Variants in CRACD observed in about 807,000 individuals in gnomAD.
The protein encoded by CRACD is capping protein inhibiting regulator of actin dynamics, also known as capping protein-inhibiting regulator of actin dynamics.
In CRACD, 56 loss-of-function variants were observed where a neutral mutation model predicts 106.8. The ratio of observed to expected loss-of-function variants is 0.52; its 90% CI spans 0.42 to 0.66. The LOEUF (loss-of-function observed/expected upper bound fraction) is 0.66. CRACD is among the 30% of genes least tolerant of loss of function. The pLI is 0.00. For missense variants in CRACD, 1,730 were observed against 1,623.2 expected (o/e 1.07, Z -1.13); for synonymous variants, 754 against 670.8 (o/e 1.12, Z -1.92).
chr4:56,315,110 C>T lies in CRACD; in HGVS notation c.1608C>T (p.Pro536=), dbSNP rs144923826. 2.4e-4 allele frequency: 384 copies of T among 1,611,116 alleles called. 2 individuals carry two copies. In the African/African-American group the frequency reaches 4.1e-3, roughly 17 times the overall value. Residue 536 remains proline (P), a synonymous_variant, in exon 8 of 11, where the codon CCC becomes CCT. Coordinates refer to ENST00000682029, the MANE Select transcript of CRACD (RefSeq NM_001393381.1). The surrounding 1 kb of genome is among the most constrained non-coding windows in gnomAD (Gnocchi z 4.1). ...ACGAGAGACAGACCATGCCCCGGCC[C>T]TACACGTTCCAGGTGTCCTCCGGAG... is the stretch of plus-strand genomic sequence containing the variant. The part of the protein sequence containing the change: ...EVDERQTMPR[P]YTFQVSSGGK...
intron 2 of CRACD, among the ~76,000 whole-genome samples, chr4:56,181,323 C>T (rs548618418): frequency 2.9e-4 from 44 of 152,278 alleles, no homozygotes; most frequent in African/African-American, 1.0e-3. Flanking sequence ...GGAGGGAATG[C>T]AGCTGGGGTG....
At chr4:56,071,866 G>T (rs987427628) in intron 1 of CRACD, among the ~76,000 whole-genome samples, 1 of 151,474 alleles carries the variant, frequency 6.6e-6, no homozygotes, top group South Asian at 2.1e-4. Flanking sequence ...GGTGGCTCAC[G>T]CCTGTAATCC....
At chr4:56,263,501 T>C (rs768603077) in intron 2 of CRACD, among the ~76,000 whole-genome samples, 2 of 152,178 alleles carry the variant, frequency 1.3e-5, no homozygotes, top group Non-Finnish European at 2.9e-5. Flanking sequence ...CCTTGGTTTG[T>C]AGATGGCCAT....
intron 2 of CRACD, among the ~76,000 whole-genome samples, chr4:56,237,465 C>T (rs1442179480): frequency 6.6e-6 from 1 of 152,016 alleles, no homozygotes; most frequent in African/African-American, 2.4e-5. Context: ...AAGAATTGGG[C>T]TGATTATAAA....
chr4:56,315,032 C>T lies in CRACD; in HGVS notation c.1530C>T (p.Ala510=). ...AGCCTCCGGTGGAGAGGAAAGAAGC[C>T]GCCGCCCTTGAACAAGGCCGCAAGG... ...AAQPPVERKE[A]AALEQGRKVE... Residue 510 remains alanine (A), a synonymous_variant, in exon 8 of 11, where the codon GCC becomes GCT. Coordinates refer to ENST00000682029, the MANE Select transcript of CRACD (RefSeq NM_001393381.1). This position sits in a 1 kb window ranked among gnomAD's most constrained non-coding sequence, Gnocchi z 4.1. 1 of 1,598,008 alleles carries T rather than the reference C, an allele frequency of 6.3e-7. No homozygotes were observed. The highest frequency in any genetic ancestry group is 8.5e-7 in the Non-Finnish European group (1 of 1,173,668).
At position 56,329,996 on chromosome 4, in the gene CRACD, T is replaced by G. The variant is rs368514809; in HGVS notation, c.*2192T>G. Among the ~76,000 whole-genome samples, 9 of 152,308 alleles carry G rather than the reference T, an allele frequency of 5.9e-5. No individual in the cohort carries two copies. The East Asian group carries it at 1.5e-3, about 26-fold the overall frequency. On this transcript the variant is annotated 3_prime_UTR_variant, in exon 11 of 11. Transcript: ENST00000682029. ...CTGAAGAAAGGGCAGTCACAATACTTACTTCTAACAGCTTCTAAAGGGTAC... is the reference window on the plus strand; with the variant it reads ...CTGAAGAAAGGGCAGTCACAATACTGACTTCTAACAGCTTCTAAAGGGTAC...
chr4:56,174,847 G>A (rs1356540775), intron 1 of CRACD, among the ~76,000 whole-genome samples: 10 of 152,158 alleles, frequency 6.6e-5, no homozygotes, highest in Non-Finnish European at 2.9e-5. Flanking sequence ...CAGTTTCACA[G>A]GCTTAACAGG....
At chr4:56,067,340 G>C (rs896401914) in intron 1 of CRACD, among the ~76,000 whole-genome samples, 9 of 152,328 alleles carry the variant, frequency 5.9e-5, no homozygotes, top group Admixed American at 5.9e-4. Context: ...GTGCGACTTT[G>C]TGCTGAAGAA....
At chr4:56,162,283 C>G (rs141868354) in intron 1 of CRACD, among the ~76,000 whole-genome samples, 2 of 152,098 alleles carry the variant, frequency 1.3e-5, no homozygotes, top group African/African-American at 4.8e-5. Context: ...TAACCTCTAA[C>G]TCCTGGGCTC....
chr4:56,210,183 A>AT (rs1738327132), intron 2 of CRACD, among the ~76,000 whole-genome samples: 1 of 152,238 alleles, frequency 6.6e-6, no homozygotes, highest in African/African-American at 2.4e-5. Context: ...CAAGTATAAA[A>AT]TTATGTTTAA....
intron 1 of CRACD, among the ~76,000 whole-genome samples, chr4:56,090,701 A>AG (rs1733399400): frequency 1.3e-5 from 2 of 152,174 alleles, no homozygotes; most frequent in African/African-American, 4.8e-5. Context: ...AGTCAGGGCC[A>AG]GGGATTTTTG....
chr4:56,138,416 A>G (rs978919412), intron 1 of CRACD, among the ~76,000 whole-genome samples: 29 of 152,132 alleles, frequency 1.9e-4, no homozygotes, highest in African/African-American at 6.8e-4. Flanking sequence ...GTGAGCCAAG[A>G]TTGTGTCACT....
At chr4:56,159,673 CAAT>C (rs1187412678) in intron 1 of CRACD, among the ~76,000 whole-genome samples, 2 of 152,074 alleles carry the variant, frequency 1.3e-5, no homozygotes, top group Non-Finnish European at 1.5e-5. Context: ...AAACAAAAAA[CAAT>C]AGTCTCTTCT....
chr4:56,201,700 A>C (rs969507076), intron 2 of CRACD, among the ~76,000 whole-genome samples: 1 of 152,224 alleles, frequency 6.6e-6, no homozygotes, highest in Non-Finnish European at 1.5e-5. Context: ...ATTGTTTTTC[A>C]AGTCCATAGA....
intron 1 of CRACD, among the ~76,000 whole-genome samples, chr4:56,098,903 G>C (rs889281178): frequency 6.6e-6 from 1 of 152,160 alleles, no homozygotes; most frequent in Non-Finnish European, 1.5e-5. Context: ...TTGAACTCCT[G>C]ACCTCAGGTG....
At chr4:56,201,644 A>T (rs890881199) in intron 2 of CRACD, among the ~76,000 whole-genome samples, 1 of 152,148 alleles carries the variant, frequency 6.6e-6, no homozygotes, top group Non-Finnish European at 1.5e-5. Context: ...TGCTTGGGGG[A>T]TGTAGATGAA....
intron 2 of CRACD, among the ~76,000 whole-genome samples, chr4:56,227,639 A>T (rs952175680): frequency 6.6e-6 from 1 of 152,168 alleles, no homozygotes; most frequent in Non-Finnish European, 1.5e-5. Flanking sequence ...CAGCTGTTCA[A>T]CTCCATCTTC....
intron 2 of CRACD, among the ~76,000 whole-genome samples, chr4:56,183,356 A>G (rs182349642): frequency 7.2e-5 from 11 of 152,210 alleles, no homozygotes; most frequent in Admixed American, 5.9e-4. Context: ...GATTCCCTCT[A>G]AACGTGCAGC....
intron 3 of CRACD, among the ~76,000 whole-genome samples, chr4:56,276,104 T>C (rs1742658209): frequency 6.6e-6 from 1 of 152,206 alleles, no homozygotes; most frequent in Non-Finnish European, 1.5e-5. Flanking sequence ...GAAGCCTTTA[T>C]CTCTCCTAGG....
Sources: allele counts gnomAD v4.1 joint callset (sites outside exome capture counted in the v4.1 genomes callset), GRCh38; gene constraint gnomAD v4.1.1; non-coding constraint Gnocchi (gnomAD v3.1); transcripts MANE v1.5; gene names NCBI Gene and HGNC (gene_info 2026-07-23, HGNC 2026-07-21).